CYC1: variants seen among roughly 807,000 people sequenced by gnomAD.
CYC1 encodes cytochrome c1, also known as cytochrome c1, heme protein, mitochondrial.
A neutral mutation model predicts 33.8 loss-of-function variants in CYC1; 10 were observed. The ratio of observed to expected loss-of-function variants is 0.30; its 90% CI spans 0.18 to 0.50. CYC1 has a LOEUF of 0.50. Ranked by LOEUF, CYC1 falls within the 20% of genes least tolerant of loss-of-function variation. The pLI is 0.98. For synonymous variants in CYC1, 224 were observed against 181.9 expected (o/e 1.23, Z -1.86); for missense variants, 459 against 437.6 (o/e 1.05, Z -0.44).
Position 144,095,212 on chromosome 8 carries a change from C to T in CYC1, c.113C>T (p.Pro38Leu). The change falls in exon 1 of 7, where the codon CCG (proline) becomes CTG (leucine). Residue 38 changes from proline to leucine, a missense_variant. Physicochemically the swap from Pro to Leu is moderately conservative, Grantham distance 98. Coordinates refer to ENST00000318911, the MANE Select transcript of CYC1 (RefSeq NM_001916.5). ...LLCSARPGQL[P>L]LRTPQAVALS... ...TGCAGCGCGCGTCCCGGGCAGCTCC[C>T]GCTACGGACACCTCAGGTGAGCGCT... The T allele has an allele frequency of 1.7e-6, 2 of 1,201,746 alleles. No homozygotes were observed. Among genetic ancestry groups the T allele is most frequent in the East Asian group, 3.5e-5 (1 of 28,912 alleles). 74.4% of individuals were successfully genotyped at this position (1,201,746 alleles called of 1,614,324 possible).
Position 144,095,104 on chromosome 8 carries a change from C to T in CYC1, c.5C>T (p.Ala2Val). M[A>V]AAAASLRGVV... The stretch of plus-strand genomic sequence containing the variant: ...GGCCGCGCGGAGGAGGCCAAGATGG[C>T]GGCAGCTGCGGCTTCGCTTCGCGGG... Residue 2 changes from alanine to valine, a missense_variant, in exon 1 of 7, where the codon GCG becomes GTG. Ala to Val is a moderately conservative substitution (Grantham distance 64, BLOSUM62 0). Transcript: ENST00000318911. 2 of 1,208,994 alleles carry T rather than the reference C, an allele frequency of 1.7e-6. No individual in the cohort carries two copies. Among genetic ancestry groups the T allele is most frequent in the Non-Finnish European group, 2.1e-6 (2 of 971,822 alleles). The allele number at this position is 1,208,994 out of a possible 1,614,324, so 74.9% of individuals were successfully genotyped here. A position where few individuals can be genotyped will look rare whatever the true frequency, so the allele number is the denominator to read the frequency against.
At chr8:144,095,458 C>G (rs1480923853) in intron 1 of CYC1, 4 of 432,186 alleles carry the variant, frequency 9.3e-6, no homozygotes, top group Non-Finnish European at 1.6e-5. Flanking sequence ...GACGGGCTAG[C>G]TGCCGTGGCG....
At chr8:144,095,338 C>T (rs986308509) in intron 1 of CYC1, 110 bp downstream of exon 1, 270 of 959,104 alleles carry the variant, frequency 2.8e-4, no homozygotes, top group Middle Eastern at 2.7e-3. Flanking sequence ...GTACCGGCCA[C>T]CCAGCGTCCC....
rs1029960108 is a variant in CYC1 at position 144,096,877 on chromosome 8, G to A, written c.772+133G>A. On this transcript the variant is annotated intron_variant, in intron 5 of 6. Transcript: ENST00000318911. ...TGGGGCGTCTTCTGTGCATGTCTCA[G>A]GAGGCTTTTGGGCTCCTTCAGTTTT... is the stretch of plus-strand genomic sequence containing the variant. 148 of 1,232,546 alleles carry A rather than the reference G, an allele frequency of 1.2e-4. 1 individual carries two copies. The highest frequency in any genetic ancestry group is 1.7e-4 in the Non-Finnish European group (145 of 868,080). The allele number at this position is 1,232,546 out of a possible 1,614,324, so 76.4% of individuals were successfully genotyped here. A position where few individuals can be genotyped will look rare whatever the true frequency, so the allele number is the denominator to read the frequency against.
At position 144,095,871 on chromosome 8, in the gene CYC1, C is replaced by A; in HGVS notation, c.168C>A (p.Gly56=). 1.9e-6 allele frequency: 3 copies of A among 1,608,956 alleles called. No homozygotes were observed. Among genetic ancestry groups the A allele is most frequent in the Non-Finnish European group, 2.5e-6 (3 of 1,179,742 alleles). ...CGTCGAAGTCTGGCCTTTCCCGAGG[C>A]CGGAAAGTGATGCTGTCAGCGCTGG... ...ALSSKSGLSR[G]RKVMLSALGM... is the part of the protein sequence containing the mutation. Residue 56 remains glycine, a synonymous_variant, in exon 2 of 7, where the codon GGC becomes GGA. Transcript: ENST00000318911.
At chr8:144,095,488 T>A in intron 1 of CYC1, 1 of 425,122 alleles carries the variant, frequency 2.4e-6, no homozygotes. Context: ...CTTTCCCGAA[T>A]GGCGCGCCCA....
In CYC1 at chr8:144,097,376, C is replaced by T. The variant is rs1004953171; in HGVS notation, c.*40C>T. 1 of 1,568,986 alleles carries T rather than the reference C, an allele frequency of 6.4e-7. No homozygotes were observed. On this transcript the variant is annotated 3_prime_UTR_variant, in exon 7 of 7. Coordinates refer to ENST00000318911, the MANE Select transcript of CYC1 (RefSeq NM_001916.5). ...TGCTTGCCATCCTGCCAGAACAGGC[C>T]CTCAAGCCCAAGAGCCATCCCAGGC... is the stretch of plus-strand genomic sequence containing the variant.
Position 144,095,142 on chromosome 8 carries a change from C to CCGCGGGGCGCGGGGCTCCCGGGCG in CYC1, c.48_71dup (p.Gly17_Arg24dup). 3 of 1,210,866 alleles carry CCGCGGGGCGCGGGGCTCCCGGGCG rather than the reference C, an allele frequency of 2.5e-6. No homozygotes were observed. In the South Asian group the frequency reaches 1.2e-4, roughly 50 times the overall value. The allele number at this position is 1,210,866 out of a possible 1,614,324, so 75.0% of individuals were successfully genotyped here. On this transcript the variant is annotated inframe_insertion, in exon 1 of 7. Transcript: ENST00000318911. ...TTCGCTTCGCGGGGTAGTGTTGGGC[C>CCGCGGGGCGCGGGGCTCCCGGGCG]CGCGGGGCGCGGGGCTCCCGGGCGC...
Position 144,095,837 on chromosome 8 carries a change from T to A in CYC1, c.134T>A (p.Val45Glu). The change falls in exon 2 of 7, where the codon GTG (valine) becomes GAG (glutamate). Residue 45 changes from valine (V) to glutamate (E), a missense_variant. Transcript: ENST00000318911. The part of the protein sequence containing the change: ...GQLPLRTPQA[V>E]ALSSKSGLSR... ...CGCTGAGCGGAGATCTTGCAGGCAG[T>A]GGCCTTGTCGTCGAAGTCTGGCCTT... The A allele has an allele frequency of 6.2e-7, 1 of 1,606,382 alleles. No homozygotes were observed. The highest frequency in any genetic ancestry group is 8.5e-7 in the Non-Finnish European group (1 of 1,179,380).
rs142635756 is a variant in CYC1 at position 144,095,886 on chromosome 8, G to C, written c.183G>C (p.Leu61=). The change falls in exon 2 of 7, where the codon CTG becomes CTC. Residue 61 remains leucine (L), a synonymous_variant. Coordinates refer to ENST00000318911, the MANE Select transcript of CYC1 (RefSeq NM_001916.5). ...SGLSRGRKVM[L]SALGMLAAGG... is the part of the protein sequence containing the mutation. ...TTTCCCGAGGCCGGAAAGTGATGCT[G>C]TCAGCGCTGGGCATGCTGGCGGCAG... 6.2e-7 allele frequency: 1 copy of C among 1,609,380 alleles called. No homozygotes were observed.
At position 144,096,628 on chromosome 8, in the gene CYC1, G is replaced by A. The variant is rs1836160864; in HGVS notation, c.656G>A (p.Cys219Tyr). Residue 219 changes from cysteine to tyrosine, a missense_variant, in exon 5 of 7, where the codon TGC becomes TAC. Cys to Tyr is a radical substitution (Grantham distance 194). Coordinates refer to ENST00000318911, the MANE Select transcript of CYC1 (RefSeq NM_001916.5). ...GTCTTCTCCCTGCTCACGGGCTACT[G>A]CGAGCCACCCACCGGGGTGTCACTG... ...DYVFSLLTGY[C>Y]EPPTGVSLRE... The A allele has an allele frequency of 2.5e-6, 4 of 1,614,048 alleles. No individual in the cohort carries two copies. The highest frequency in any genetic ancestry group is 3.4e-6 in the Non-Finnish European group (4 of 1,180,022).
intron 5 of CYC1, 63 bp from the exon 6 acceptor site, chr8:144,096,971 G>C (rs1414983832): frequency 5.7e-6 from 8 of 1,410,320 alleles, no homozygotes; most frequent in South Asian, 1.2e-5. Context: ...TTCACAGAGG[G>C]GGGGCATGAT....
rs771661405 is a variant in CYC1, at chr8:144,096,630, G to A, written c.658G>A (p.Glu220Lys). 9.3e-6 allele frequency: 15 copies of A among 1,613,846 alleles called. 1 individual carries two copies. The Admixed American group carries it at 1.0e-4, about 11-fold the overall frequency. ...YVFSLLTGYC[E>K]PPTGVSLREG... ...CTTCTCCCTGCTCACGGGCTACTGC[G>A]AGCCACCCACCGGGGTGTCACTGCG... The change falls in exon 5 of 7, where the codon GAG becomes AAG. Residue 220 changes from glutamate to lysine, a missense_variant. Transcript: ENST00000318911.
intron 5 of CYC1, 68 bp downstream of exon 5, chr8:144,096,812 C>A: frequency 1.3e-6 from 2 of 1,490,044 alleles, no homozygotes; most frequent in South Asian, 1.2e-5. Flanking sequence ...GATGCTTTCC[C>A]TGTGTTCCTG....
rs971676363 is a variant in CYC1 at position 144,095,112 on chromosome 8, G to A, written c.13G>A (p.Ala5Thr). 6.6e-6 allele frequency: 8 copies of A among 1,210,502 alleles called. No homozygotes were observed. In the Admixed American group the frequency reaches 1.8e-4, roughly 27 times the overall value. The allele number at this position is 1,210,502 out of a possible 1,614,324, so 75.0% of individuals were successfully genotyped here. A position where few individuals can be genotyped will look rare whatever the true frequency, so the allele number is the denominator to read the frequency against. ...GGAGGAGGCCAAGATGGCGGCAGCT[G>A]CGGCTTCGCTTCGCGGGGTAGTGTT... Reference protein sequence around the residue: MAAAAASLRGVVLGP... With the variant: MAAATASLRGVVLGP... Residue 5 changes from alanine to threonine, a missense_variant, in exon 1 of 7, where the codon GCG becomes ACG. Coordinates refer to ENST00000318911, the MANE Select transcript of CYC1 (RefSeq NM_001916.5).
At chr8:144,095,565 G>A (rs1836132630) in intron 1 of CYC1, 4 of 529,196 alleles carry the variant, frequency 7.6e-6, no homozygotes, top group Non-Finnish European at 9.8e-6. Context: ...CCTGATCTCG[G>A]CCAGCTGCTT....
Position 144,095,127 on chromosome 8 carries a change from G to A in CYC1, c.28G>A (p.Gly10Arg). 1 of 1,211,074 alleles carries A rather than the reference G, an allele frequency of 8.3e-7. No homozygotes were observed. 75.0% of individuals were successfully genotyped at this position (1,211,074 alleles called of 1,614,324 possible). A position where few individuals can be genotyped will look rare whatever the true frequency, so the allele number is the denominator to read the frequency against. MAAAAASLR[G>R]VVLGPRGAGL... ...GGCGGCAGCTGCGGCTTCGCTTCGC[G>A]GGGTAGTGTTGGGCCCGCGGGGCGC... is the stretch of plus-strand genomic sequence containing the variant. The change falls in exon 1 of 7, where the codon GGG (glycine) becomes AGG (arginine). Residue 10 changes from glycine (G) to arginine (R), a missense_variant. Coordinates refer to ENST00000318911, the MANE Select transcript of CYC1 (RefSeq NM_001916.5).
At position 144,096,429 on chromosome 8, in the gene CYC1, T is replaced by C; in HGVS notation, c.546T>C (p.Ser182=). ...ATTTCCCAAAACCATACCCCAACAG[T>C]GAGGCTGCTCGAGCTGCCAACAACG... ...FDYFPKPYPN[S]EAARAANNGA... is the part of the protein sequence containing the mutation. Residue 182 remains serine (S), a synonymous_variant, in exon 4 of 7, where the codon AGT becomes AGC. Coordinates refer to ENST00000318911, the MANE Select transcript of CYC1 (RefSeq NM_001916.5). The C allele has an allele frequency of 6.2e-7, 1 of 1,613,916 alleles. No individual in the cohort carries two copies. The highest frequency in any genetic ancestry group is 1.7e-5 in the Admixed American group (1 of 60,010).
rs935364596 is a variant in CYC1 at position 144,095,293 on chromosome 8, A to G, written c.129+65A>G. 8 of 1,173,318 alleles carry G rather than the reference A, an allele frequency of 6.8e-6. 1 individual carries two copies. In the African/African-American group the frequency reaches 1.3e-4, roughly 19 times the overall value. 72.7% of individuals were successfully genotyped at this position (1,173,318 alleles called of 1,614,324 possible). On this transcript the variant is annotated intron_variant, in intron 1 of 6. Transcript: ENST00000318911. ...CATCTCCGTGAAGGTCACGGCGGGG[A>G]GGCTGCGGGCGCGGGCCTGGGCAGC...
Sources: allele counts gnomAD v4.1 joint callset, GRCh38; gene constraint gnomAD v4.1.1; transcripts MANE v1.5; gene names NCBI Gene and HGNC (gene_info 2026-07-23, HGNC 2026-07-21).